The following MAPK10 variants were observed in gnomAD, a reference collection of about 807,000 sequenced individuals.
The protein encoded by MAPK10 is mitogen-activated protein kinase 10.
Under a neutral mutation model 59.3 loss-of-function variants are expected in MAPK10, and 25 were observed. The ratio of observed to expected loss-of-function variants is 0.42; its 90% confidence interval spans 0.31 to 0.59. The LOEUF (loss-of-function observed/expected upper bound fraction) is 0.59. Ranked by LOEUF, MAPK10 falls within the 20% of genes least tolerant of loss-of-function variation. The pLI, the probability that MAPK10 is intolerant of heterozygous loss-of-function variation, is 0.15. For synonymous variants in MAPK10, 190 were observed against 200.5 expected, an observed-to-expected ratio of 0.95 and a Z score of 0.44; for missense variants, 351 against 568.9, an observed-to-expected ratio of 0.62 and a Z score of 3.90.
intron 12 of MAPK10, among the ~76,000 whole-genome samples, chr4:86,030,503 GTA>G (rs2038781932): frequency 6.6e-6 from 1 of 151,684 alleles, no homozygotes; most frequent in East Asian, 1.9e-4. Flanking sequence ...GCTAATTTTT[GTA>G]TGTTTCTAGC....
rs565879210 is a variant in MAPK10 at position 86,125,692 on chromosome 4, C to T, written c.237-18340G>A. The T allele has an allele frequency of 4.6e-5, 7 of 152,140 alleles. No homozygotes were observed. In the East Asian group the frequency reaches 1.4e-3, roughly 29 times the overall value. 9.4% of individuals were successfully genotyped at this position (152,140 alleles called of 1,614,324 possible). A position where few individuals can be genotyped will look rare whatever the true frequency, so the allele number is the denominator to read the frequency against. ...TATTATTTATGTTTAGTTATTTTAT[C>T]TTAACAAGATTCTTCTTATAAATCT... On this transcript the variant is annotated intron_variant, in intron 4 of 13. Coordinates refer to ENST00000641462, the MANE Select transcript of MAPK10 (RefSeq NM_138982.4).
At chr4:86,536,880 T>C (rs910351046) in intron 1 of MAPK10, among the ~76,000 whole-genome samples, 3 of 152,162 alleles carry the variant, frequency 2.0e-5, no homozygotes, top group Non-Finnish European at 2.9e-5. Context: ...CAGAAGAATT[T>C]GGTTATAAAG....
chr4:86,326,209 T>C (rs545810726), intron 2 of MAPK10: 1 of 152,114 alleles, frequency 6.6e-6, no homozygotes, highest in Non-Finnish European at 1.5e-5. Context: ...ACATGGCTTG[T>C]TTGGGGAACA....
At chr4:86,527,529 T>G (rs372643861) in intron 1 of MAPK10, among the ~76,000 whole-genome samples, 1 of 152,028 alleles carries the variant, frequency 6.6e-6, no homozygotes, top group African/African-American at 2.4e-5. Flanking sequence ...GGTGAGGCTG[T>G]GGAGAAAAGG....
chr4:86,371,223 A>G lies in MAPK10; in HGVS notation c.-121-16579T>C, dbSNP rs1036972546. Among the ~76,000 whole-genome samples, 3 of 73,490 alleles carry G rather than the reference A, an allele frequency of 4.1e-5. No homozygotes were observed. The East Asian group carries it at 1.7e-3, about 42-fold the overall frequency. 48.2% of individuals were successfully genotyped at this position (73,490 alleles called of 152,430 possible). ...ATTATTATCACAAATGTCATCATTA[A>G]TATCATCATTATTTTAGCTATTATC... On this transcript the variant is annotated intron_variant, in intron 1 of 13. Transcript: ENST00000361569.
intron 3 of MAPK10, among the ~76,000 whole-genome samples, chr4:86,188,398 T>C (rs1171010472): frequency 2.0e-5 from 3 of 152,196 alleles, no homozygotes; most frequent in South Asian, 2.1e-4. Flanking sequence ...CCACATCCTC[T>C]CCAGCATCTG....
intron 11 of MAPK10, among the ~76,000 whole-genome samples, chr4:86,033,784 G>A (rs1362283005): frequency 6.6e-6 from 1 of 152,098 alleles, no homozygotes; most frequent in Admixed American, 6.5e-5. Context: ...TTTTGAAGAG[G>A]AAATGCGAAT....
At chr4:86,573,535 C>G (rs1359185459) in intron 1 of MAPK10, among the ~76,000 whole-genome samples, 2 of 152,076 alleles carry the variant, frequency 1.3e-5, no homozygotes, top group Non-Finnish European at 2.9e-5. Context: ...GGAGGCCTTT[C>G]TTGTTTTTCT....
At chr4:86,551,594 C>G (rs1451831329) in intron 1 of MAPK10, among the ~76,000 whole-genome samples, 4 of 149,670 alleles carry the variant, frequency 2.7e-5, no homozygotes. Flanking sequence ...CTCTCTCTCT[C>G]TGTCTCTCTT....
chr4:86,281,272 G>A (rs1201704785), intron 2 of MAPK10, among the ~76,000 whole-genome samples: 2 of 152,028 alleles, frequency 1.3e-5, no homozygotes, highest in Non-Finnish European at 2.9e-5. Flanking sequence ...TAGGAGGCAG[G>A]CAGATCACCT....
At position 86,591,459 on chromosome 4, in the gene MAPK10, G is replaced by A. The variant is rs143708603; in HGVS notation, c.-263+2451C>T. On this transcript the variant is annotated intron_variant, in intron 1 of 4. Transcript: ENST00000502302. ...TGGGATCATGGCTCACTTCAGCCTC[G>A]ACATCCTGGCCTCAAGCAATCCTCC... Among the ~76,000 whole-genome samples, 475 of 151,918 alleles carry A rather than the reference G, an allele frequency of 3.1e-3. 9 individuals carry two copies. The South Asian group carries it at 0.052, about 17-fold the overall frequency.
At chr4:86,069,885 T>C (rs2047463117) in intron 9 of MAPK10, among the ~76,000 whole-genome samples, 1 of 145,632 alleles carries the variant, frequency 6.9e-6, no homozygotes, top group African/African-American at 2.7e-5. Flanking sequence ...CAGTAAATAA[T>C]TGATTTTAAA....
chr4:86,103,038 T>G (rs2055787706), intron 6 of MAPK10, 148 bp downstream of exon 6: 1 of 581,586 alleles, frequency 1.7e-6, no homozygotes, highest in Admixed American at 2.7e-5. Context: ...TGACCCCACC[T>G]CTTACCTCTC....
intron 1 of MAPK10, among the ~76,000 whole-genome samples, chr4:86,379,561 T>C (rs537102287): frequency 9.2e-5 from 14 of 152,270 alleles, no homozygotes; most frequent in Admixed American, 6.5e-4. Flanking sequence ...AAGGAACACC[T>C]GGCCCACCCA....
chr4:86,140,950 A>G (rs1264031220), intron 4 of MAPK10, among the ~76,000 whole-genome samples: 1 of 152,226 alleles, frequency 6.6e-6, no homozygotes, highest in Admixed American at 6.5e-5. Context: ...GGAAACATAA[A>G]TTATGCATTT....
chr4:86,172,977 C>G (rs1323509994), intron 3 of MAPK10, among the ~76,000 whole-genome samples: 3 of 151,624 alleles, frequency 2.0e-5, no homozygotes, highest in Non-Finnish European at 2.9e-5. Context: ...ACAACACAAA[C>G]AAATGGAAAA....
chr4:86,133,716 A>T (rs1329480666), intron 4 of MAPK10, among the ~76,000 whole-genome samples: 1 of 152,212 alleles, frequency 6.6e-6, no homozygotes, highest in African/African-American at 2.4e-5. Flanking sequence ...GTGTTGAGCC[A>T]GACATCTTGC....
At chr4:86,347,840 A>G (rs1397043826) in intron 2 of MAPK10, among the ~76,000 whole-genome samples, 1 of 151,996 alleles carries the variant, frequency 6.6e-6, no homozygotes, top group Non-Finnish European at 1.5e-5. Context: ...TCCTAATACC[A>G]TCTCCTTGGG....
chr4:86,567,301 A>ACCT (rs1341811331), intron 1 of MAPK10, among the ~76,000 whole-genome samples: 1 of 151,814 alleles, frequency 6.6e-6, no homozygotes, highest in Admixed American at 6.6e-5. Context: ...GCTCACTGCA[A>ACCT]CCTCTGCCTC....
Sources: allele counts gnomAD v4.1 joint callset (sites outside exome capture counted in the v4.1 genomes callset), GRCh38; gene constraint gnomAD v4.1.1; transcripts MANE v1.5; gene names NCBI Gene and HGNC (gene_info 2026-07-23, HGNC 2026-07-21).